The following DNAJC15 variants were observed in gnomAD, a reference collection of about 807,000 sequenced individuals.
The protein encoded by DNAJC15 is DnaJ heat shock protein family (Hsp40) member C15.
Under a neutral mutation model 22.4 loss-of-function variants are expected in DNAJC15, and 27 were observed. That is an observed-to-expected ratio of 1.20 (90% confidence interval 0.89 to 1.66). DNAJC15 has a LOEUF of 1.66. Among genes scored for constraint, DNAJC15 ranks in the 40% most tolerant of loss-of-function variants. The pLI, the probability that DNAJC15 is intolerant of heterozygous loss-of-function variation, is 0.00. For missense variants in DNAJC15, 208 were observed against 187.1 expected (o/e 1.11, Z -0.65); for synonymous variants, 79 against 63.2 (o/e 1.25, Z -1.19).
chr13:43,100,169 T>G (rs2040760421), intron 5 of DNAJC15, among the ~76,000 whole-genome samples: 1 of 151,432 alleles, frequency 6.6e-6, no homozygotes, highest in African/African-American at 2.4e-5. Flanking sequence ...CTCTTCTTTT[T>G]CCATTGTCTT....
rs2040596104 is a variant in DNAJC15 at position 43,068,963 on chromosome 13, A to G, written c.194A>G (p.Glu65Gly). 6.2e-7 allele frequency: 1 copy of G among 1,613,238 alleles called. No individual in the cohort carries two copies. Among genetic ancestry groups the G allele is most frequent in the East Asian group, 2.2e-5 (1 of 44,762 alleles). ...GCATTTCGGATCTGGAAACCTCTAG[A>G]ACAAGTTATCACAGAAACTGCAAAG... Reference protein sequence around the residue: ...RYAFRIWKPLEQVITETAKKI... With the variant: ...RYAFRIWKPLGQVITETAKKI... The change falls in exon 3 of 6, where the codon GAA (glutamate) becomes GGA (glycine). Residue 65 changes from glutamate to glycine, a missense_variant. By Grantham distance (98) the Glu-to-Gly change is moderately conservative. Transcript: ENST00000379221.
intron 1 of DNAJC15, among the ~76,000 whole-genome samples, chr13:43,052,536 A>G (rs916753945): frequency 4.0e-5 from 6 of 148,366 alleles, no homozygotes; most frequent in Admixed American, 6.7e-5. Flanking sequence ...TCCTGCCTCA[A>G]CCTCCCAAGT....
intron 2 of DNAJC15, among the ~76,000 whole-genome samples, chr13:43,066,808 T>C (rs1290896857): frequency 6.6e-6 from 1 of 152,062 alleles, no homozygotes; most frequent in Non-Finnish European, 1.5e-5. Flanking sequence ...GTATTTTTAG[T>C]ATAAAAATAC....
intron 1 of DNAJC15, among the ~76,000 whole-genome samples, chr13:43,039,024 T>C (rs2040441414): frequency 2.0e-5 from 3 of 152,168 alleles, no homozygotes; most frequent in South Asian, 4.1e-4. Context: ...GGGTGTTTTG[T>C]TGAGTGTGAG....
chr13:43,069,344 T>TA (rs2040598376), intron 3 of DNAJC15, among the ~76,000 whole-genome samples: 1 of 152,186 alleles, frequency 6.6e-6, no homozygotes, highest in Non-Finnish European at 1.5e-5. Flanking sequence ...GCCAGGAGCT[T>TA]GGAATAGCTG....
At chr13:43,103,495 A>G (rs1046897477) in intron 5 of DNAJC15, among the ~76,000 whole-genome samples, 4 of 152,228 alleles carry the variant, frequency 2.6e-5, no homozygotes, top group Admixed American at 2.6e-4. Flanking sequence ...CATGGAACAC[A>G]CTTTAAATAG....
At chr13:43,080,724 T>A (rs1448346732) in intron 4 of DNAJC15, among the ~76,000 whole-genome samples, 1 of 152,258 alleles carries the variant, frequency 6.6e-6, no homozygotes, top group East Asian at 1.9e-4. Flanking sequence ...TGGAATAATA[T>A]AAGAATGATA....
intron 5 of DNAJC15, among the ~76,000 whole-genome samples, chr13:43,086,506 T>G (rs1189645075): frequency 6.6e-6 from 1 of 152,178 alleles, no homozygotes; most frequent in Non-Finnish European, 1.5e-5. Flanking sequence ...GATTCTTATT[T>G]ACAGACTTTC....
intron 3 of DNAJC15, among the ~76,000 whole-genome samples, chr13:43,073,006 T>G (rs574748121): frequency 6.6e-6 from 1 of 152,348 alleles, no homozygotes; most frequent in East Asian, 1.9e-4. Flanking sequence ...GCTTCCTAAT[T>G]TATCTCCTTT....
intron 1 of DNAJC15, among the ~76,000 whole-genome samples, chr13:43,035,432 C>T (rs1281963224): frequency 6.6e-6 from 1 of 152,168 alleles, no homozygotes; most frequent in Non-Finnish European, 1.5e-5. Context: ...ATGATTTTCA[C>T]TTCTTTTGGA....
intron 1 of DNAJC15, among the ~76,000 whole-genome samples, chr13:43,027,662 C>CTT (rs34592061): frequency 1.7e-4 from 25 of 147,584 alleles, no homozygotes; most frequent in South Asian, 4.3e-4. Context: ...ATATTTTTAA[C>CTT]TTTTTTTTTT....
At chr13:43,100,566 C>T (rs193036140) in intron 5 of DNAJC15, among the ~76,000 whole-genome samples, 8 of 152,202 alleles carry the variant, frequency 5.3e-5, no homozygotes, top group East Asian at 1.9e-4. Flanking sequence ...GCACTGCTAT[C>T]GCTGTGTCCC....
intron 3 of DNAJC15, among the ~76,000 whole-genome samples, chr13:43,073,298 C>T (rs2040617269): frequency 6.6e-6 from 1 of 152,160 alleles, no homozygotes; most frequent in Non-Finnish European, 1.5e-5. Context: ...GCATTGGTAC[C>T]TGGAGAGTCC....
Position 43,065,545 on chromosome 13 carries a change from T to C in DNAJC15, c.109-141T>C. 4.6e-6 allele frequency: 3 copies of C among 645,392 alleles called. No homozygotes were observed. In the Admixed American group the frequency reaches 7.7e-5, roughly 16 times the overall value. 40.0% of individuals were successfully genotyped at this position (645,392 alleles called of 1,614,324 possible). A position where few individuals can be genotyped will look rare whatever the true frequency, so the allele number is the denominator to read the frequency against. On this transcript the variant is annotated intron_variant, in intron 1 of 5. Transcript: ENST00000379221. ...CAGATATAATCCCATAGACACTGCA[T>C]ATTTTTTTAAGTCCTGATCTTCACA...
Position 43,078,622 on chromosome 13 carries a change from C to T in DNAJC15, c.245C>T (p.Ser82Phe). ...TTCTTTCCTATACAGAGCTTTTCAT[C>T]CTACTATAAAGGAGGATTTGAACAG... ...AKKISTPSFSSYYKGGFEQKM... is the reference protein window; with the variant it reads ...AKKISTPSFSFYYKGGFEQKM... The change falls in exon 4 of 6, where the codon TCC becomes TTC. Residue 82 changes from serine (S) to phenylalanine (F), a missense_variant. Ser to Phe is a radical substitution (Grantham distance 155). Coordinates refer to ENST00000379221, the MANE Select transcript of DNAJC15 (RefSeq NM_013238.3). 2 of 1,612,910 alleles carry T rather than the reference C, an allele frequency of 1.2e-6. No homozygotes were observed. Among genetic ancestry groups the T allele is most frequent in the Non-Finnish European group, 8.5e-7 (1 of 1,179,284 alleles).
chr13:43,074,378 A>G (rs1203656601), intron 3 of DNAJC15, among the ~76,000 whole-genome samples: 1 of 152,226 alleles, frequency 6.6e-6, no homozygotes, highest in Non-Finnish European at 1.5e-5. Flanking sequence ...TATGAATGGG[A>G]TAGTACAAAA....
chr13:43,023,846 T>TC, intron 1 of DNAJC15, 112 bp downstream of exon 1: 1 of 1,016,254 alleles, frequency 9.8e-7, no homozygotes, highest in Non-Finnish European at 1.4e-6. Flanking sequence ...TCGCTCACGG[T>TC]CTGTGCCCTA....
chr13:43,055,446 T>C (rs1244856659), intron 1 of DNAJC15, among the ~76,000 whole-genome samples: 2 of 152,150 alleles, frequency 1.3e-5, no homozygotes, highest in African/African-American at 4.8e-5. Flanking sequence ...AGAGCTGTTC[T>C]TTCTTTTTGC....
At chr13:43,038,851 GAA>G (rs1316524179) in intron 1 of DNAJC15, among the ~76,000 whole-genome samples, 1 of 143,494 alleles carries the variant, frequency 7.0e-6, no homozygotes, top group Non-Finnish European at 1.5e-5. Flanking sequence ...GGAGACCAAA[GAA>G]AATTTCATGA....
Sources: allele counts gnomAD v4.1 joint callset (sites outside exome capture counted in the v4.1 genomes callset), GRCh38; gene constraint gnomAD v4.1.1; transcripts MANE v1.5; gene names NCBI Gene and HGNC (gene_info 2026-07-23, HGNC 2026-07-21).